The following CTBP2 variants were observed in gnomAD, a reference collection of about 807,000 sequenced individuals.
CTBP2 encodes C-terminal binding protein 2.
Under a neutral mutation model 80.3 loss-of-function variants are expected in CTBP2, and 30 were observed. The observed-to-expected ratio is 0.37, with a 90% confidence interval of 0.28 to 0.51. The LOEUF is 0.51. Among genes scored for constraint, CTBP2 ranks in the 20% least tolerant of loss-of-function variants. The pLI is 0.93. For missense variants in CTBP2, 1,212 were observed against 1,375.3 expected (o/e 0.88, Z 1.88); for synonymous variants, 594 against 587.4 (o/e 1.01, Z -0.16).
chr10:125,125,956 C>A (rs1424574165), intron 1 of CTBP2, among the ~76,000 whole-genome samples: 1 of 152,240 alleles, frequency 6.6e-6, no homozygotes, highest in Non-Finnish European at 1.5e-5. Flanking sequence ...GAAGAAGTGT[C>A]AGGGCTGAGC....
At position 125,003,424 on chromosome 10, in the gene CTBP2, C is replaced by T. The variant is rs1175075313; in HGVS notation, c.1747G>A (p.Asp583Asn). 2.5e-6 allele frequency: 4 copies of T among 1,590,254 alleles called. No individual in the cohort carries two copies. Among genetic ancestry groups the T allele is most frequent in the East Asian group, 2.2e-5 (1 of 44,682 alleles). The stretch of plus-strand genomic sequence containing the variant: ...AGGATGGGCATCTCCACAGTGCAGT[C>T]GCGGCCGTCCAGCAGCGCCACCAGG... The change falls in exon 2 of 9, where the codon GAC becomes AAC. Residue 583 changes from aspartate (D) to asparagine (N), a missense_variant. By Grantham distance (23) the Asp-to-Asn change is conservative. Around this residue, in one of 3 missense-constraint regions of CTBP2, gnomAD observed 29 missense variants for 88.3 expected, o/e 0.33. Transcript: ENST00000309035.
chr10:125,144,145 T>C (rs1489689128), intron 1 of CTBP2, among the ~76,000 whole-genome samples: 1 of 152,202 alleles, frequency 6.6e-6, no homozygotes, highest in Non-Finnish European at 1.5e-5. Context: ...CCGTGGATGC[T>C]CTTTCAAGTT....
At chr10:125,030,171 A>C (rs1958032949), upstream of CTBP2, among the ~76,000 whole-genome samples, 2 of 149,500 alleles carry the variant, frequency 1.3e-5, no homozygotes, top group South Asian at 4.2e-4. Context: ...CACACACACC[A>C]CACTCCAGTC....
intron 2 of CTBP2, among the ~76,000 whole-genome samples, chr10:125,069,887 T>TG (rs1301709884): frequency 1.5e-5 from 1 of 64,600 alleles, no homozygotes; most frequent in Non-Finnish European, 3.6e-5. Flanking sequence ...CCTGCCCCCC[T>TG]CCCCCCCCCA....
chr10:125,092,252 A>G (rs1848885416), intron 2 of CTBP2, among the ~76,000 whole-genome samples: 1 of 129,314 alleles, frequency 7.7e-6, no homozygotes, highest in African/African-American at 3.0e-5. Flanking sequence ...CATGATCTCT[A>G]TGATCTCTGC....
chr10:125,097,664 TGTGCACACGTGTGAGC>T (rs780609990), intron 2 of CTBP2, among the ~76,000 whole-genome samples: 13 of 151,532 alleles, frequency 8.6e-5, no homozygotes, highest in East Asian at 1.9e-4. Flanking sequence ...CAGATGTATG[TGTGCACACGTGTGAGC>T]ATGCACACGT....
At chr10:124,994,126 T>C in intron 5 of CTBP2, 141 bp from the exon 8 acceptor site, 1 of 1,147,446 alleles carries the variant, frequency 8.7e-7, no homozygotes, top group Non-Finnish European at 1.2e-6. Context: ...GGGAAGGGAG[T>C]GGGAAGTGTT....
chr10:125,021,430 G>A (rs1957028469), intron 1 of CTBP2, among the ~76,000 whole-genome samples: 1 of 152,170 alleles, frequency 6.6e-6, no homozygotes, highest in South Asian at 2.1e-4. Flanking sequence ...TATTCCTGGG[G>A]TCTACGGCAC....
intron 2 of CTBP2, among the ~76,000 whole-genome samples, chr10:125,108,865 G>GCTATAAAAAACT (rs1424293968): frequency 1.3e-5 from 2 of 152,228 alleles, no homozygotes; most frequent in African/African-American, 4.8e-5. Flanking sequence ...CTTCCAAAGT[G>GCTATAAAAAACT]CTATAAAAAA....
At position 124,999,369 on chromosome 10, in the gene CTBP2, G is replaced by A. The variant is rs1206582525; in HGVS notation, c.1979-1199C>T. 2.8e-5 allele frequency: 4 copies of A among 142,732 alleles called. No homozygotes were observed. The East Asian group carries it at 7.3e-4, about 26-fold the overall frequency. The allele number at this position is 142,732 out of a possible 1,614,324, so 8.8% of individuals were successfully genotyped here. On this transcript the variant is annotated intron_variant, in intron 3 of 8. Transcript: ENST00000309035. ...GGATTCCTCTATCTTAAGTCCTGAA[G>A]ATTGGGGTGGGGACAGATTGGGGTG...
At chr10:125,036,797 G>GA (rs1958951140) in intron 3 of CTBP2, among the ~76,000 whole-genome samples, 1 of 151,890 alleles carries the variant, frequency 6.6e-6, no homozygotes, top group South Asian at 2.1e-4. Context: ...AGGCCAAACA[G>GA]AAAAAAACAG....
chr10:125,002,910 C>G (rs1284903464), intron 3 of CTBP2, 50 bp downstream of exon 5: 1 of 1,599,902 alleles, frequency 6.3e-7, no homozygotes, highest in Admixed American at 1.7e-5. Flanking sequence ...CCGAGCAGGG[C>G]CCACAGAGCT....
At chr10:125,161,987 G>A (rs1456160329), upstream of CTBP2, among the ~76,000 whole-genome samples, 1 of 152,218 alleles carries the variant, frequency 6.6e-6, no homozygotes, top group East Asian at 1.9e-4. Context: ...CGTGACCCGC[G>A]ACGTCCGAGC....
intron 2 of CTBP2, among the ~76,000 whole-genome samples, chr10:125,047,536 G>C (rs868155196): frequency 7.2e-5 from 11 of 152,352 alleles, no homozygotes; most frequent in South Asian, 2.1e-4. Flanking sequence ...AAAGCACAGG[G>C]GACTGATGGC....
upstream of CTBP2, chr10:125,161,071 G>GA (rs1565082525): frequency 7.1e-6 from 1 of 140,692 alleles, no homozygotes; most frequent in Non-Finnish European, 1.5e-5. Context: ...TGTTTTTGGG[G>GA]GGGGGGGGCA....
chr10:124,994,318 G>T, intron 5 of CTBP2, 151 bp downstream of exon 7: 1 of 803,482 alleles, frequency 1.2e-6, no homozygotes, highest in Non-Finnish European at 2.0e-6. Flanking sequence ...GGGGCTTCAC[G>T]TGGCTTGTCA....
chr10:125,003,055 G>A lies in CTBP2; in HGVS notation c.1883C>T (p.Thr628Ile), dbSNP rs1466015600. Residue 628 changes from threonine to isoleucine, a missense_variant, in exon 3 of 9, where the codon ACC becomes ATC. Coordinates refer to ENST00000309035, the MANE Select transcript of CTBP2 (RefSeq NM_022802.3). ...CTTGAACTTCTCCAGGTCCTCCCTG[G>A]TGAGGGTGATGGTGTGGTACATCAT... is the stretch of plus-strand genomic sequence containing the variant. 1 of 1,613,964 alleles carries A rather than the reference G, an allele frequency of 6.2e-7. No homozygotes were observed. The highest frequency in any genetic ancestry group is 1.3e-5 in the African/African-American group (1 of 74,950).
At chr10:125,019,156 G>A (rs904590700) in intron 1 of CTBP2, among the ~76,000 whole-genome samples, 14 of 150,826 alleles carry the variant, frequency 9.3e-5, no homozygotes, top group African/African-American at 2.9e-4. Context: ...AAAAGTGAAC[G>A]AAGGCTAGTT....
intron 1 of CTBP2, among the ~76,000 whole-genome samples, chr10:125,122,299 C>T (rs1455989676): frequency 1.3e-5 from 2 of 152,226 alleles, no homozygotes; most frequent in Non-Finnish European, 1.5e-5. Flanking sequence ...GCTGTTCTCA[C>T]ATGATGAACA....
Sources: allele counts gnomAD v4.1 joint callset (sites outside exome capture counted in the v4.1 genomes callset), GRCh38; gene constraint gnomAD v4.1.1; regional missense constraint gnomAD v4.1.1; transcripts MANE v1.5; gene names NCBI Gene and HGNC (gene_info 2026-07-23, HGNC 2026-07-21).